The following LHFPL2 variants were observed in gnomAD, a reference collection of about 807,000 sequenced individuals.
LHFPL2 encodes LHFPL tetraspan subfamily member 2.
Under a neutral mutation model 17.5 loss-of-function variants are expected in LHFPL2, and 7 were observed. The observed-to-expected ratio is 0.40, with a 90% CI of 0.23 to 0.75. The LOEUF is 0.75. Among genes scored for constraint, LHFPL2 ranks in the 30% least tolerant of loss-of-function variants. LHFPL2 has a pLI of 0.37. For missense variants in LHFPL2, 241 were observed against 294.8 expected (o/e 0.82, Z 1.34); for synonymous variants, 134 against 116.2 (o/e 1.15, Z -0.99).
chr5:78,627,604 A>C (rs915274956), intron 2 of LHFPL2, among the ~76,000 whole-genome samples: 18 of 152,118 alleles, frequency 1.2e-4, no homozygotes, highest in Admixed American at 1.1e-3. Context: ...CTTCCCTACA[A>C]GGAGACCTCG....
intron 2 of LHFPL2, among the ~76,000 whole-genome samples, chr5:78,584,782 C>G (rs1043688867): frequency 2.0e-5 from 3 of 152,192 alleles, no homozygotes; most frequent in Non-Finnish European, 4.4e-5. Context: ...TAAAGACAGG[C>G]AGGCCTCCTT....
chr5:78,585,003 T>G lies in LHFPL2; in HGVS notation c.-244-20132A>C, dbSNP rs930435055. ...ATCTCCTGGTGCGCTGTGTTTTTTTTTTTTTTTTTTTTTTTTTTTTTGAGA... is the reference window on the plus strand; with the variant it reads ...ATCTCCTGGTGCGCTGTGTTTTTTTGTTTTTTTTTTTTTTTTTTTTTGAGA... On this transcript the variant is annotated intron_variant, in intron 2 of 4. Transcript: ENST00000380345. Among the ~76,000 whole-genome samples, 135 of 49,834 alleles carry G rather than the reference T, an allele frequency of 2.7e-3. 30 individuals are homozygous for G. The highest frequency in any genetic ancestry group is 6.3e-3 in the Non-Finnish European group (114 of 18,170). The allele number at this position is 49,834 out of a possible 152,430, so 32.7% of individuals were successfully genotyped here.
At chr5:78,638,121 G>A (rs555540727) in intron 1 of LHFPL2, among the ~76,000 whole-genome samples, 44 of 152,280 alleles carry the variant, frequency 2.9e-4, no homozygotes, top group African/African-American at 9.4e-4. Flanking sequence ...TTGGGAGGCC[G>A]AGGCAGGTGG....
At chr5:78,597,695 TA>T (rs1467314093) in intron 2 of LHFPL2, among the ~76,000 whole-genome samples, 1 of 152,126 alleles carries the variant, frequency 6.6e-6, no homozygotes, top group Admixed American at 6.5e-5. Context: ...AAGTAACAAA[TA>T]AGTCAGTAGT....
At chr5:78,647,988 A>G (rs1447749584) in intron 1 of LHFPL2, among the ~76,000 whole-genome samples, 2 of 152,052 alleles carry the variant, frequency 1.3e-5, no homozygotes, top group East Asian at 3.9e-4. Context: ...TGAGCTGCCC[A>G]CAAAAATGCA....
chr5:78,643,427 C>A (rs762569473), intron 1 of LHFPL2, among the ~76,000 whole-genome samples: 3 of 152,114 alleles, frequency 2.0e-5, no homozygotes, highest in Non-Finnish European at 4.4e-5. Context: ...TTTTATAAGT[C>A]GATGGTCAGA....
Position 78,540,632 on chromosome 5 carries a change from C to T in LHFPL2, c.-186+24181G>A, listed in dbSNP as rs748336669. Among the ~76,000 whole-genome samples, 103 of 152,222 alleles carry T rather than the reference C, an allele frequency of 6.8e-4. 1 individual carries two copies. Among genetic ancestry groups the T allele is most frequent in the Non-Finnish European group, 1.3e-3 (88 of 68,044 alleles). ...GAGATGCGTGGGAGAATTCCTGGCA[C>T]CTGTGGTCCAAGGCATTTATTCAAG... On this transcript the variant is annotated intron_variant, in intron 3 of 4. Transcript: ENST00000380345.
intron 2 of LHFPL2, among the ~76,000 whole-genome samples, chr5:78,581,291 C>G (rs1580827785): frequency 6.6e-6 from 1 of 152,184 alleles, no homozygotes; most frequent in East Asian, 1.9e-4. Flanking sequence ...ATTTCCTTCC[C>G]CTGCCTAATT....
At chr5:78,608,335 A>G (rs1744298077) in intron 2 of LHFPL2, among the ~76,000 whole-genome samples, 1 of 152,266 alleles carries the variant, frequency 6.6e-6, no homozygotes, top group Non-Finnish European at 1.5e-5. Flanking sequence ...TCTCTTTAGC[A>G]AAGTTTTAGG....
At chr5:78,522,849 T>C (rs1048885727) in intron 3 of LHFPL2, among the ~76,000 whole-genome samples, 28 of 152,180 alleles carry the variant, frequency 1.8e-4, no homozygotes, top group African/African-American at 6.3e-4. Flanking sequence ...GGTGAGAATC[T>C]TGAGAAAACC....
intron 2 of LHFPL2, among the ~76,000 whole-genome samples, chr5:78,596,638 T>C (rs1370201454): frequency 6.6e-6 from 1 of 152,136 alleles, no homozygotes; most frequent in East Asian, 1.9e-4. Flanking sequence ...CTGTCTGAAA[T>C]TGTCTCCTAT....
intron 2 of LHFPL2, among the ~76,000 whole-genome samples, chr5:78,575,176 G>A (rs1474678785): frequency 6.6e-6 from 1 of 152,166 alleles, no homozygotes; most frequent in South Asian, 2.1e-4. Context: ...CTCTTGATCT[G>A]TTTCCTATAT....
chr5:78,510,322 G>T lies in LHFPL2; in HGVS notation c.-109C>A. 2 of 1,089,734 alleles carry T rather than the reference G, an allele frequency of 1.8e-6. No homozygotes were observed. Among genetic ancestry groups the T allele is most frequent in the Non-Finnish European group, 2.6e-6 (2 of 771,434 alleles). 67.5% of individuals were successfully genotyped at this position (1,089,734 alleles called of 1,614,324 possible). ...GCCCGGGAAGGAAGTCGCAGCTGCA[G>T]TCATTCACTCCCGCCGCCGGCCGCG... On this transcript the variant is annotated 5_prime_UTR_variant, in exon 4 of 5. In the 5' UTR this introduces an upstream ATG that the reference lacks. Coordinates refer to ENST00000380345, the MANE Select transcript of LHFPL2 (RefSeq NM_005779.3).
intron 2 of LHFPL2, among the ~76,000 whole-genome samples, chr5:78,565,249 A>C (rs1756829522): frequency 6.6e-6 from 1 of 152,206 alleles, no homozygotes; most frequent in Admixed American, 6.5e-5. Context: ...TTAAGAAATA[A>C]AATACAAAAT....
intron 2 of LHFPL2, among the ~76,000 whole-genome samples, chr5:78,594,337 C>G (rs1047200359): frequency 6.6e-6 from 1 of 152,198 alleles, no homozygotes; most frequent in Non-Finnish European, 1.5e-5. Flanking sequence ...TGTCAGCTAA[C>G]TGTGTGGCCT....
intron 2 of LHFPL2, among the ~76,000 whole-genome samples, chr5:78,599,292 T>C (rs1017309363): frequency 6.6e-6 from 1 of 152,078 alleles, no homozygotes; most frequent in African/African-American, 2.4e-5. Context: ...AAACCCTTTT[T>C]TTGGGCGGGG....
chr5:78,595,714 C>G (rs1189063442), intron 2 of LHFPL2, among the ~76,000 whole-genome samples: 1 of 152,112 alleles, frequency 6.6e-6, no homozygotes, highest in Non-Finnish European at 1.5e-5. Context: ...CAGGGTCTCA[C>G]TATGTTGACC....
At chr5:78,561,184 G>A (rs899135532) in intron 3 of LHFPL2, among the ~76,000 whole-genome samples, 1 of 152,144 alleles carries the variant, frequency 6.6e-6, no homozygotes, top group Non-Finnish European at 1.5e-5. Context: ...AAAATTTACA[G>A]TAGAAAAAGT....
chr5:78,591,545 G>T (rs1413665461), intron 2 of LHFPL2, among the ~76,000 whole-genome samples: 1 of 152,204 alleles, frequency 6.6e-6, no homozygotes, highest in Non-Finnish European at 1.5e-5. Context: ...TAGGAAGAGA[G>T]GATGACAACA....
Sources: gnomAD v4.1 joint callset for allele counts (sites outside exome capture counted in the v4.1 genomes callset) on GRCh38, gnomAD v4.1.1 for gene constraint, MANE v1.5 for transcripts, NCBI Gene and HGNC (gene_info 2026-07-23, HGNC 2026-07-21) for gene names.